The following CPXM2 variants were observed in gnomAD, a reference collection of about 807,000 sequenced individuals.
The protein encoded by CPXM2 is carboxypeptidase X, M14 family member 2.
CPXM2 carries 66 observed loss-of-function variants against 86.1 expected under a neutral mutation model. That is an observed-to-expected ratio of 0.77 (90% CI 0.63 to 0.94). The LOEUF (loss-of-function observed/expected upper bound fraction) is 0.94. Among genes scored for constraint, CPXM2 ranks in the 40% least tolerant of loss-of-function variants. The pLI is 0.00. For synonymous variants in CPXM2, 388 were observed against 400.2 expected (o/e 0.97, Z 0.36); for missense variants, 948 against 1,026.3 (o/e 0.92, Z 1.04).
At chr10:123,880,438 G>C in intron 1 of CPXM2, 129 bp from the exon 2 acceptor site, 1 of 620,526 alleles carries the variant, frequency 1.6e-6, no homozygotes, top group Non-Finnish European at 2.9e-6. Context: ...TAAAGATGGG[G>C]TCTTGGACTT....
rs542089614 is a variant in CPXM2 at position 123,778,586 on chromosome 10, A to C, written c.978+1581T>G. On this transcript the variant is annotated intron_variant, in intron 7 of 13. Coordinates refer to ENST00000241305, the MANE Select transcript of CPXM2 (RefSeq NM_198148.3). ...GCTTTCCTTGTAAGAAAAGAGCCCCAAGTCTCCATGCATGACAACTATTTA... is the reference window on the plus strand; with the variant it reads ...GCTTTCCTTGTAAGAAAAGAGCCCCCAGTCTCCATGCATGACAACTATTTA... Among the ~76,000 whole-genome samples the C allele has an allele frequency of 2.6e-5, 4 of 152,364 alleles. No individual in the cohort carries two copies. The South Asian group carries it at 8.3e-4, about 32-fold the overall frequency.
intron 6 of CPXM2, among the ~76,000 whole-genome samples, chr10:123,795,941 A>G (rs1169974689): frequency 6.6e-6 from 1 of 152,138 alleles, no homozygotes; most frequent in East Asian, 1.9e-4. Context: ...ACCCGCAGAG[A>G]AAAGCTGCGG....
intron 2 of CPXM2, among the ~76,000 whole-genome samples, chr10:123,901,632 G>C (rs1945382226): frequency 6.6e-6 from 1 of 152,184 alleles, no homozygotes. Flanking sequence ...AATCTTTCAA[G>C]ATGGATCACC....
chr10:123,864,266 C>A (rs754822468), intron 2 of CPXM2, among the ~76,000 whole-genome samples: 2 of 152,000 alleles, frequency 1.3e-5, no homozygotes, highest in African/African-American at 4.8e-5. Context: ...AGAGAGAGAC[C>A]CCACCCACTG....
rs574785175 is a variant in CPXM2, at chr10:123,807,254, A to G, written c.654-8055T>C. 6.6e-5 allele frequency among the ~76,000 whole-genome samples: 10 copies of G among 152,006 alleles called. No individual in the cohort carries two copies. The South Asian group carries it at 1.9e-3, about 29-fold the overall frequency. ...ACACTTCCAGGGTGTGGATCTTCAC[A>G]TTTACCCCTTTGTGCCCTAGTAATG... On this transcript the variant is annotated intron_variant, in intron 4 of 13. Coordinates refer to ENST00000241305, the MANE Select transcript of CPXM2 (RefSeq NM_198148.3).
intron 13 of CPXM2, chr10:123,752,540 C>T (rs925705750): frequency 2.9e-5 from 29 of 985,250 alleles, no homozygotes; most frequent in Non-Finnish European, 3.1e-5. Flanking sequence ...GATACATGGG[C>T]CAGGTCTGAA....
At chr10:123,758,060 G>C (rs1028932897) in intron 11 of CPXM2, among the ~76,000 whole-genome samples, 1 of 152,066 alleles carries the variant, frequency 6.6e-6, no homozygotes, top group African/African-American at 2.4e-5. Flanking sequence ...CGCTGCTTGG[G>C]GACTCGTAGG....
At chr10:123,863,107 G>A (rs1482027377) in intron 2 of CPXM2, among the ~76,000 whole-genome samples, 1 of 152,114 alleles carries the variant, frequency 6.6e-6, no homozygotes, top group Non-Finnish European at 1.5e-5. Context: ...ATGAGCAGAG[G>A]AATATAAGCA....
chr10:123,790,128 TAATA>T (rs1847173090), intron 6 of CPXM2, among the ~76,000 whole-genome samples: 1 of 151,946 alleles, frequency 6.6e-6, no homozygotes, highest in Admixed American at 6.6e-5. Context: ...TAAAAAAAAT[TAATA>T]AATAAAAAAT....
chr10:123,803,056 A>T (rs1027025574), intron 4 of CPXM2, among the ~76,000 whole-genome samples: 1 of 145,066 alleles, frequency 6.9e-6, no homozygotes, highest in Non-Finnish European at 1.5e-5. Context: ...TGAGTTGAAT[A>T]TATATATATA....
At chr10:123,837,122 C>A (rs1036888146) in intron 4 of CPXM2, among the ~76,000 whole-genome samples, 1 of 152,220 alleles carries the variant, frequency 6.6e-6, no homozygotes, top group Admixed American at 6.5e-5. Context: ...TTTCCTTCAC[C>A]ATCAGAATTC....
At position 123,852,552 on chromosome 10, in the gene CPXM2, G is replaced by C. The variant is rs558294550; in HGVS notation, c.513+10062C>G. 3.9e-5 allele frequency among the ~76,000 whole-genome samples: 6 copies of C among 152,338 alleles called. No homozygotes were observed. In the South Asian group the frequency reaches 1.0e-3, roughly 26 times the overall value. ...GTGACTAGGTTGATCCGTTTCACAT[G>C]TAAGCCACAGCATGTCATTCCTGTG... On this transcript the variant is annotated intron_variant, in intron 3 of 13. Transcript: ENST00000241305.
intron 2 of CPXM2, among the ~76,000 whole-genome samples, chr10:123,870,680 C>T (rs1944881215): frequency 2.0e-5 from 3 of 152,164 alleles, no homozygotes; most frequent in Admixed American, 6.5e-5. Flanking sequence ...CTTACCTAGT[C>T]GTCCTTGGAA....
intron 7 of CPXM2, among the ~76,000 whole-genome samples, chr10:123,779,736 C>T (rs1343440201): frequency 6.6e-6 from 1 of 152,150 alleles, no homozygotes; most frequent in African/African-American, 2.4e-5. Context: ...ACAACAGTCC[C>T]TACCCTTCTA....
intron 4 of CPXM2, among the ~76,000 whole-genome samples, chr10:123,811,135 T>G (rs1448691734): frequency 2.0e-5 from 3 of 150,896 alleles, no homozygotes; most frequent in African/African-American, 7.3e-5. Flanking sequence ...AAAATCATTT[T>G]TTTTTTTCTT....
intron 13 of CPXM2, chr10:123,751,873 C>G: frequency 1.0e-6 from 1 of 985,330 alleles, no homozygotes; most frequent in Non-Finnish European, 1.2e-6. Flanking sequence ...AGGGGAAAAT[C>G]AAGGGAGGGA....
chr10:123,891,878 A>AG (rs938647032), upstream of CPXM2: 2 of 152,866 alleles, frequency 1.3e-5, no homozygotes, highest in Non-Finnish European at 2.9e-5. This position sits in a 1 kb window ranked among gnomAD's most constrained non-coding sequence, Gnocchi z 5.6. Context: ...GGGCGGGCGC[A>AG]GGGGGGCCGG....
chr10:123,894,381 G>C (rs769823886), upstream of CPXM2, among the ~76,000 whole-genome samples: 3 of 152,162 alleles, frequency 2.0e-5, no homozygotes, highest in Non-Finnish European at 2.9e-5. Flanking sequence ...ATCAATGCTT[G>C]CTTGTTTGTT....
intron 4 of CPXM2, among the ~76,000 whole-genome samples, chr10:123,822,187 C>G (rs531732723): frequency 5.3e-5 from 8 of 152,224 alleles, no homozygotes; most frequent in Non-Finnish European, 1.2e-4. Context: ...TCCAAAGTAT[C>G]TGAACACAAT....
Sources: allele counts gnomAD v4.1 joint callset (sites outside exome capture counted in the v4.1 genomes callset), GRCh38; gene constraint gnomAD v4.1.1; non-coding constraint Gnocchi (gnomAD v3.1); transcripts MANE v1.5; gene names NCBI Gene and HGNC (gene_info 2026-07-23, HGNC 2026-07-21).